The following NIBAN2 variants were observed in gnomAD, a reference collection of about 807,000 sequenced individuals.
The protein encoded by NIBAN2 is niban apoptosis regulator 2, also known as protein Niban 2.
In NIBAN2, 36 loss-of-function variants were observed where a neutral mutation model predicts 81.8. The ratio of observed to expected loss-of-function variants is 0.44; its 90% confidence interval spans 0.34 to 0.58. NIBAN2 has a LOEUF of 0.58. Ranked by LOEUF, NIBAN2 falls within the 20% of genes least tolerant of loss-of-function variation. The probability of loss-of-function intolerance (pLI) is 0.02; values close to 1 mark genes in which losing one functional copy is unlikely to be tolerated. For missense variants in NIBAN2, 897 were observed against 1,014.1 expected, an observed-to-expected ratio of 0.88 and a Z score of 1.57; for synonymous variants, 445 against 441.6, an observed-to-expected ratio of 1.01 and a Z score of -0.10.
At chr9:127,525,230 T>G (rs1837040579) in intron 3 of NIBAN2, 67 bp from the exon 4 acceptor site, 5 of 1,220,216 alleles carry the variant, frequency 4.1e-6, no homozygotes, top group African/African-American at 3.0e-5. Flanking sequence ...CCACCTGGCT[T>G]CAAGGCCCTA....
chr9:127,565,792 A>AG (rs1420603464), intron 1 of NIBAN2, among the ~76,000 whole-genome samples: 1 of 150,382 alleles, frequency 6.6e-6, no homozygotes, highest in Non-Finnish European at 1.5e-5. Flanking sequence ...CAAAAAAAAA[A>AG]AAAAAAAAAA....
intron 1 of NIBAN2, among the ~76,000 whole-genome samples, chr9:127,535,936 G>A (rs779303017): frequency 3.8e-4 from 58 of 152,168 alleles, no homozygotes; most frequent in Non-Finnish European, 7.1e-4. Context: ...CTGAGGGAGC[G>A]CCATGCTGCA....
chr9:127,556,356 A>C (rs1837670308), intron 1 of NIBAN2, among the ~76,000 whole-genome samples: 1 of 151,460 alleles, frequency 6.6e-6, no homozygotes, highest in Non-Finnish European at 1.5e-5. Context: ...TCTGTAACCA[A>C]CCCCCACCAA....
chr9:127,519,286 G>T (rs930987130), intron 5 of NIBAN2, among the ~76,000 whole-genome samples: 1 of 150,844 alleles, frequency 6.6e-6, no homozygotes, highest in African/African-American at 2.4e-5. Flanking sequence ...TGGCCCAAAC[G>T]CCAGCAAGGT....
intron 1 of NIBAN2, among the ~76,000 whole-genome samples, chr9:127,576,171 G>A (rs1360118847): frequency 1.3e-5 from 2 of 152,186 alleles, no homozygotes; most frequent in African/African-American, 4.8e-5. Flanking sequence ...GGGCACTGGA[G>A]GGGAACGTGA....
chr9:127,507,571 C>A lies in NIBAN2; in HGVS notation c.1655-140G>T, dbSNP rs991096088. On this transcript the variant is annotated intron_variant, in intron 13 of 13. Coordinates refer to ENST00000373312, the MANE Select transcript of NIBAN2 (RefSeq NM_022833.4). This position sits in a 1 kb window ranked among gnomAD's most constrained non-coding sequence, Gnocchi z 6.8. ...ATGTGACTCATTCCAGGCCTCGTTG[C>A]TGAAAGCAGCAAGGCCGTGATGCTA... 6.3e-6 allele frequency: 5 copies of A among 790,942 alleles called. No individual in the cohort carries two copies. The highest frequency in any genetic ancestry group is 9.9e-6 in the Non-Finnish European group (5 of 506,716). 49.0% of individuals were successfully genotyped at this position (790,942 alleles called of 1,614,324 possible).
At chr9:127,564,902 A>G (rs1828773692) in intron 1 of NIBAN2, among the ~76,000 whole-genome samples, 1 of 152,058 alleles carries the variant, frequency 6.6e-6, no homozygotes, top group Non-Finnish European at 1.5e-5. Flanking sequence ...AAACCAAGCT[A>G]TTATGAGCAT....
intron 8 of NIBAN2, among the ~76,000 whole-genome samples, chr9:127,514,454 A>G (rs888425241): frequency 6.6e-6 from 1 of 152,152 alleles, no homozygotes; most frequent in African/African-American, 2.4e-5. Context: ...ATTAAAAATG[A>G]AAATGAAAAT....
chr9:127,565,554 A>T lies in NIBAN2; in HGVS notation c.55+3266T>A, dbSNP rs555853522. On this transcript the variant is annotated intron_variant, in intron 1 of 13. Transcript: ENST00000373312. ...ACGCCTATAATCTTGGCACTTTGGG[A>T]GGCTGAGGAGGGTGGATCACCTGAG... 2.2e-4 allele frequency among the ~76,000 whole-genome samples: 33 copies of T among 151,948 alleles called. No homozygotes were observed. The South Asian group carries it at 6.9e-3, about 32-fold the overall frequency.
intron 1 of NIBAN2, among the ~76,000 whole-genome samples, chr9:127,576,089 C>T (rs57005254): frequency 2.0e-5 from 3 of 152,120 alleles, no homozygotes; most frequent in Non-Finnish European, 2.9e-5. Flanking sequence ...TGTCCTCCTT[C>T]GACATGACAT....
At position 127,545,149 on chromosome 9, in the gene NIBAN2, C is replaced by T. The variant is rs902245417; in HGVS notation, c.56-13371G>A. ...TCTGGCCTCTGGCCTTGGGGTCCCA[C>T]GTCTACAGTGCCCTCCTAGCGTCCA... On this transcript the variant is annotated intron_variant, in intron 1 of 13. Transcript: ENST00000373312. This position sits in a 1 kb window ranked among gnomAD's most constrained non-coding sequence, Gnocchi z 4.7. Among the ~76,000 whole-genome samples the T allele has an allele frequency of 4.6e-5, 7 of 152,204 alleles. No individual in the cohort carries two copies. The highest frequency in any genetic ancestry group is 7.4e-5 in the Non-Finnish European group (5 of 68,018).
chr9:127,527,011 C>A (rs567501036), intron 3 of NIBAN2, among the ~76,000 whole-genome samples, 183 bp downstream of exon 3: 21 of 152,242 alleles, frequency 1.4e-4, no homozygotes, highest in African/African-American at 4.8e-4. Flanking sequence ...GAGCTGCCGT[C>A]CAGAGAGGGC....
chr9:127,542,419 C>A (rs1211506999), intron 1 of NIBAN2, among the ~76,000 whole-genome samples: 1 of 152,180 alleles, frequency 6.6e-6, no homozygotes, highest in Non-Finnish European at 1.5e-5. Context: ...CAGGGCCTGG[C>A]ACGCAGTGGA....
In NIBAN2 at chr9:127,525,907, T is replaced by C. The variant is rs541651553; in HGVS notation, c.316-744A>G. Among the ~76,000 whole-genome samples, 7 of 152,242 alleles carry C rather than the reference T, an allele frequency of 4.6e-5. No individual in the cohort carries two copies. In the South Asian group the frequency reaches 1.0e-3, roughly 23 times the overall value. ...ATCACACAAGCGTCCTCTGGAGAAT[T>C]AGGTCTAGAAACTTACACCAGTAGC... On this transcript the variant is annotated intron_variant, in intron 3 of 13. Coordinates refer to ENST00000373312, the MANE Select transcript of NIBAN2 (RefSeq NM_022833.4).
intron 5 of NIBAN2, among the ~76,000 whole-genome samples, chr9:127,522,686 C>T (rs1836966392): frequency 1.3e-5 from 2 of 152,126 alleles, no homozygotes; most frequent in South Asian, 2.1e-4. Context: ...ATGCTGACTG[C>T]CTACCTCTGC....
At chr9:127,564,210 T>C (rs1353507674) in intron 1 of NIBAN2, among the ~76,000 whole-genome samples, 2 of 151,654 alleles carry the variant, frequency 1.3e-5, no homozygotes, top group Non-Finnish European at 2.9e-5. Context: ...GGAGAATTGC[T>C]TGAACCCAGG....
In NIBAN2 at chr9:127,506,030, G is replaced by A. The variant is rs1836586908; in HGVS notation, c.*815C>T. The A allele has an allele frequency of 6.5e-6, 1 of 153,542 alleles. No homozygotes were observed. Among genetic ancestry groups the A allele is most frequent in the East Asian group, 1.9e-4 (1 of 5,196 alleles). 9.5% of individuals were successfully genotyped at this position (153,542 alleles called of 1,614,324 possible). A position where few individuals can be genotyped will look rare whatever the true frequency, so the allele number is the denominator to read the frequency against. ...AACCACCAGAGGGACAGGGACCAGA[G>A]GGAGACCTGTGGGCCAGGCGGGCAG... On this transcript the variant is annotated 3_prime_UTR_variant, in exon 14 of 14. Transcript: ENST00000373312.
chr9:127,534,750 C>T (rs988455447), intron 1 of NIBAN2, among the ~76,000 whole-genome samples: 6 of 152,140 alleles, frequency 3.9e-5, no homozygotes, highest in Non-Finnish European at 8.8e-5. Context: ...GCTTTGAATG[C>T]CTATTTTTTA....
chr9:127,553,909 C>G (rs1262217936), intron 1 of NIBAN2, among the ~76,000 whole-genome samples: 1 of 152,138 alleles, frequency 6.6e-6, no homozygotes, highest in Non-Finnish European at 1.5e-5. Flanking sequence ...AGGGACACCT[C>G]CGGACTGGAG....
Sources: allele counts gnomAD v4.1 joint callset (sites outside exome capture counted in the v4.1 genomes callset), GRCh38; gene constraint gnomAD v4.1.1; non-coding constraint Gnocchi (gnomAD v3.1); transcripts MANE v1.5; gene names NCBI Gene and HGNC (gene_info 2026-07-23, HGNC 2026-07-21).